Variants in KLHL1 observed in about 807,000 individuals in gnomAD.
The protein encoded by KLHL1 is kelch like family member 1, also known as kelch-like protein 1.
In KLHL1, 47 loss-of-function variants were observed where a neutral mutation model predicts 77.7. The observed-to-expected ratio is 0.60, with a 90% CI of 0.48 to 0.77. The LOEUF is 0.77. KLHL1 is among the 30% of genes least tolerant of loss of function. The pLI, the probability that KLHL1 is intolerant of heterozygous loss-of-function variation, is 0.00. For missense variants in KLHL1, 925 were observed against 910.8 expected (o/e 1.02, Z -0.20); for synonymous variants, 360 against 325.2 (o/e 1.11, Z -1.15).
intron 6 of KLHL1, among the ~76,000 whole-genome samples, chr13:69,799,433 A>G (rs1191911527): frequency 1.3e-5 from 2 of 152,236 alleles, no homozygotes; most frequent in African/African-American, 2.4e-5. Flanking sequence ...CAAATGAGCT[A>G]GATAAGTCTT....
intron 9 of KLHL1, among the ~76,000 whole-genome samples, chr13:69,712,046 T>G (rs1455023476): frequency 2.6e-5 from 4 of 152,112 alleles, no homozygotes; most frequent in Non-Finnish European, 2.9e-5. Context: ...TGTTCAAATC[T>G]TCTGCCTAGT....
intron 6 of KLHL1, among the ~76,000 whole-genome samples, chr13:69,822,732 A>C (rs1878385360): frequency 6.6e-6 from 1 of 152,204 alleles, no homozygotes; most frequent in Non-Finnish European, 1.5e-5. Context: ...AATATTTGTG[A>C]AAAAATGATG....
intron 4 of KLHL1, among the ~76,000 whole-genome samples, chr13:69,888,141 A>T (rs1225413467): frequency 6.6e-6 from 1 of 152,140 alleles, no homozygotes; most frequent in Non-Finnish European, 1.5e-5. Flanking sequence ...CTGCATTCTC[A>T]TATGGCTGAA....
chr13:69,805,396 G>A (rs542288194), intron 6 of KLHL1, among the ~76,000 whole-genome samples: 16 of 151,860 alleles, frequency 1.1e-4, no homozygotes, highest in African/African-American at 3.4e-4. Context: ...CTACTTCTTG[G>A]CTCATAACCA....
At chr13:69,924,186 A>C (rs758566964) in intron 4 of KLHL1, among the ~76,000 whole-genome samples, 28 of 152,194 alleles carry the variant, frequency 1.8e-4, no homozygotes, top group Non-Finnish European at 2.5e-4. Context: ...CAGCCTGGGC[A>C]CCATTGATGA....
chr13:69,998,368 G>C (rs1016845677), intron 1 of KLHL1, among the ~76,000 whole-genome samples: 1 of 151,920 alleles, frequency 6.6e-6, no homozygotes, highest in East Asian at 1.9e-4. Flanking sequence ...CATTGTGTGG[G>C]AGCACAATTA....
intron 7 of KLHL1, among the ~76,000 whole-genome samples, chr13:69,779,534 T>C (rs1876026059): frequency 6.6e-6 from 1 of 151,946 alleles, no homozygotes; most frequent in African/African-American, 2.4e-5. Context: ...CCTCTTTTTT[T>C]CTTATTTCTC....
At chr13:69,788,628 T>C (rs1295003017) in intron 7 of KLHL1, among the ~76,000 whole-genome samples, 1 of 151,966 alleles carries the variant, frequency 6.6e-6, no homozygotes, top group African/African-American at 2.4e-5. Context: ...AACCTGCACA[T>C]TGTGTACATG....
chr13:69,754,975 C>T (rs886896299), intron 7 of KLHL1, among the ~76,000 whole-genome samples: 22 of 152,020 alleles, frequency 1.4e-4, no homozygotes, highest in East Asian at 1.2e-3. Flanking sequence ...CATCTATGAC[C>T]CTGCAATACT....
chr13:69,800,860 G>A (rs943548797), intron 6 of KLHL1, among the ~76,000 whole-genome samples: 1 of 152,138 alleles, frequency 6.6e-6, no homozygotes, highest in South Asian at 2.1e-4. Context: ...TCATAATATA[G>A]ATTACAAACA....
At chr13:69,790,941 T>G (rs894280431) in intron 7 of KLHL1, among the ~76,000 whole-genome samples, 4 of 151,972 alleles carry the variant, frequency 2.6e-5, no homozygotes, top group Non-Finnish European at 4.4e-5. Context: ...TAAGGGACCT[T>G]TCTCAGCCTG....
intron 1 of KLHL1, among the ~76,000 whole-genome samples, chr13:70,084,621 G>GTTTTTTTTTTTT (rs1288782478): frequency 4.5e-4 from 3 of 6,600 alleles, no homozygotes; most frequent in Non-Finnish European, 9.1e-4. Flanking sequence ...ACCACGCCAG[G>GTTTTTTTTTTTT]CTTTTTTTTT....
In KLHL1 at chr13:69,835,189, G is replaced by T. The variant is rs143896996; in HGVS notation, c.1414+3787C>A. ...CATAAATCAAGTGAAATAATCTATGGAGAAAACTGTAGAATAAAAGAGAAA... is the reference window on the plus strand; with the variant it reads ...CATAAATCAAGTGAAATAATCTATGTAGAAAACTGTAGAATAAAAGAGAAA... On this transcript the variant is annotated intron_variant, in intron 6 of 10. Transcript: ENST00000377844. Among the ~76,000 whole-genome samples, 653 of 152,168 alleles carry T rather than the reference G, an allele frequency of 4.3e-3. 4 individuals carry two copies. The highest frequency in any genetic ancestry group is 7.0e-3 in the Non-Finnish European group (474 of 67,996).
intron 6 of KLHL1, among the ~76,000 whole-genome samples, chr13:69,804,157 A>G (rs1877512209): frequency 6.6e-6 from 1 of 152,234 alleles, no homozygotes; most frequent in African/African-American, 2.4e-5. Flanking sequence ...ATATAATACA[A>G]ATACAAAACT....
rs371224160 is a variant in KLHL1 at position 69,753,851 on chromosome 13, A to T, written c.1640-13295T>A. Among the ~76,000 whole-genome samples the T allele has an allele frequency of 2.2e-3, 318 of 145,150 alleles. 1 individual carries two copies. The highest frequency in any genetic ancestry group is 7.6e-3 in the African/African-American group (299 of 39,450). On this transcript the variant is annotated intron_variant, in intron 7 of 10. Coordinates refer to ENST00000377844, the MANE Select transcript of KLHL1 (RefSeq NM_020866.3). ...GGCATAGAAATAATTGAAAAAAAAA[A>T]TTTTGAGACCAGTCTTGCTTTGTCA...
chr13:69,975,673 C>T lies in KLHL1; in HGVS notation c.627G>A (p.Gln209=), dbSNP rs778955202. The change falls in exon 2 of 11, where the codon CAG becomes CAA. Residue 209 remains glutamine (Q), a synonymous_variant. Transcript: ENST00000377844. ...CAATCAGGATAACATCACAAAGTTG[C>T]TGCTGCTTCAAATAACTTTCCATCT... ...FRKMESYLKQ[Q]QLCDVILIVG... 3.2e-5 allele frequency: 52 copies of T among 1,613,542 alleles called. No homozygotes were observed. Among genetic ancestry groups the T allele is most frequent in the Non-Finnish European group, 4.2e-5 (50 of 1,179,774 alleles).
chr13:69,890,735 C>G (rs1203000478), intron 4 of KLHL1, among the ~76,000 whole-genome samples: 1 of 151,852 alleles, frequency 6.6e-6, no homozygotes, highest in Non-Finnish European at 1.5e-5. Context: ...TCCTAATTTT[C>G]AGAACCAGGA....
chr13:70,099,686 A>C (rs1182935516), intron 1 of KLHL1, among the ~76,000 whole-genome samples: 1 of 152,008 alleles, frequency 6.6e-6, no homozygotes, highest in Non-Finnish European at 1.5e-5. Context: ...CCATACAATA[A>C]GCTTTTTGTC....
intron 1 of KLHL1, among the ~76,000 whole-genome samples, chr13:70,034,392 G>A (rs993672604): frequency 6.6e-6 from 1 of 152,126 alleles, no homozygotes; most frequent in Admixed American, 6.6e-5. Flanking sequence ...AGAAAAAAAT[G>A]AAGGATATGA....
Sources: allele counts gnomAD v4.1 joint callset (sites outside exome capture counted in the v4.1 genomes callset), GRCh38; gene constraint gnomAD v4.1.1; transcripts MANE v1.5; gene names NCBI Gene and HGNC (gene_info 2026-07-23, HGNC 2026-07-21).